RAPGEF1: variants seen among roughly 807,000 people sequenced by gnomAD.
The protein encoded by RAPGEF1 is CRK SH3-binding GNRP.
Under a neutral mutation model 143.3 loss-of-function variants are expected in RAPGEF1, and 33 were observed. The ratio of observed to expected loss-of-function variants is 0.23; its 90% CI spans 0.17 to 0.31. The LOEUF is 0.31. RAPGEF1 is among the 10% of genes least tolerant of loss of function. The probability of loss-of-function intolerance (pLI) is 1.00; values close to 1 mark genes in which losing one functional copy is unlikely to be tolerated. For synonymous variants in RAPGEF1, 629 were observed against 676.5 expected (o/e 0.93, Z 1.09); for missense variants, 1,199 against 1,645.4 (o/e 0.73, Z 4.69).
At chr9:131,651,619 C>A (rs1325560331) in intron 1 of RAPGEF1, among the ~76,000 whole-genome samples, 2 of 152,090 alleles carry the variant, frequency 1.3e-5, no homozygotes, top group African/African-American at 4.8e-5. Context: ...GATACAAAAC[C>A]AAAAGCACAA....
At chr9:131,609,020 C>A (rs1037445099) in intron 12 of RAPGEF1, among the ~76,000 whole-genome samples, 2 of 152,146 alleles carry the variant, frequency 1.3e-5, no homozygotes, top group African/African-American at 4.8e-5. Context: ...TTATTTATAG[C>A]CAGAATAAGA....
rs903798537 is a variant in RAPGEF1 at position 131,641,322 on chromosome 9, T to C, written c.494+1917A>G. The stretch of plus-strand genomic sequence containing the variant: ...CTCTAGGACATATACCCTCTGCCCA[T>C]GACTGCCCGAGTCGCCGCCCTCCCC... On this transcript the variant is annotated intron_variant, in intron 4 of 26. Transcript: ENST00000683357. The surrounding 1 kb of genome is among the most constrained non-coding windows in gnomAD (Gnocchi z 4.6). 6.6e-6 allele frequency among the ~76,000 whole-genome samples: 1 copy of C among 152,144 alleles called. No individual in the cohort carries two copies. Among genetic ancestry groups the C allele is most frequent in the Non-Finnish European group, 1.5e-5 (1 of 68,032 alleles).
intron 18 of RAPGEF1, 52 bp from the exon 19 acceptor site, chr9:131,590,030 TGGA>T: frequency 6.6e-7 from 1 of 1,516,212 alleles, no homozygotes; most frequent in Admixed American, 1.7e-5. Context: ...GGTGGTGGAG[TGGA>T]GGACTGACTC....
intron 1 of RAPGEF1, among the ~76,000 whole-genome samples, chr9:131,718,323 G>A (rs1215437708): frequency 3.9e-5 from 6 of 152,208 alleles, no homozygotes; most frequent in Non-Finnish European, 5.9e-5. Flanking sequence ...CACAGGCCAC[G>A]TCGAGGACCT....
chr9:131,608,133 G>A (rs188982181), intron 12 of RAPGEF1, among the ~76,000 whole-genome samples: 1 of 152,298 alleles, frequency 6.6e-6, no homozygotes, highest in African/African-American at 2.4e-5. Flanking sequence ...TTTAAAACGG[G>A]GATGAAAACA....
intron 1 of RAPGEF1, among the ~76,000 whole-genome samples, chr9:131,720,899 T>G (rs35614948): frequency 0.097 from 14,818 of 152,284 alleles, 1,068 homozygotes; most frequent in African/African-American, 0.19. Flanking sequence ...AATATCCCTT[T>G]TATCCATTCC....
chr9:131,598,597 C>T (rs1955706921), intron 15 of RAPGEF1: 1 of 541,120 alleles, frequency 1.8e-6, no homozygotes, highest in Admixed American at 2.2e-5. Flanking sequence ...CTCAGCCACT[C>T]CCTGCCAAGG....
chr9:131,594,169 C>T (rs1188547649), intron 17 of RAPGEF1, among the ~76,000 whole-genome samples: 1 of 152,212 alleles, frequency 6.6e-6, no homozygotes, highest in African/African-American at 2.4e-5. Context: ...TGGGACAGCG[C>T]CTGGCTTCTG....
intron 1 of RAPGEF1, among the ~76,000 whole-genome samples, chr9:131,696,137 T>A (rs1355208191): frequency 6.6e-6 from 1 of 151,968 alleles, no homozygotes; most frequent in African/African-American, 2.4e-5. Context: ...GAGCAGGGGA[T>A]CCAAGAGAGA....
chr9:131,647,596 T>C (rs1235068696), intron 3 of RAPGEF1, among the ~76,000 whole-genome samples: 2 of 152,222 alleles, frequency 1.3e-5, no homozygotes, highest in Non-Finnish European at 2.9e-5. Context: ...ACAGACCCAC[T>C]GCAAGGTTTC....
chr9:131,730,193 C>CAAAAAAAAA (rs57402366), intron 1 of RAPGEF1, among the ~76,000 whole-genome samples: 1 of 66,980 alleles, frequency 1.5e-5, no homozygotes, highest in Non-Finnish European at 2.6e-5. Flanking sequence ...GACTCCCTCT[C>CAAAAAAAAA]AAAAAAAAAA....
chr9:131,598,827 C>CT (rs10647202), intron 15 of RAPGEF1, among the ~76,000 whole-genome samples: 95,731 of 138,844 alleles, frequency 0.69, 33,137 homozygotes, highest in African/African-American at 0.7. Flanking sequence ...TATTTATTTG[C>CT]TTTTTTTTTT....
chr9:131,702,054 C>T (rs1286203449), intron 1 of RAPGEF1, among the ~76,000 whole-genome samples: 1 of 152,228 alleles, frequency 6.6e-6, no homozygotes, highest in African/African-American at 2.4e-5. Flanking sequence ...AACTACCCTC[C>T]CAGCAAACTG....
At chr9:131,627,327 A>G (rs1347970915) in intron 9 of RAPGEF1, among the ~76,000 whole-genome samples, 1 of 152,054 alleles carries the variant, frequency 6.6e-6, no homozygotes, top group Non-Finnish European at 1.5e-5. Flanking sequence ...AGATTATTCC[A>G]GCAAATGAAT....
At chr9:131,710,463 G>GA (rs951536203) in intron 1 of RAPGEF1, among the ~76,000 whole-genome samples, 4 of 152,218 alleles carry the variant, frequency 2.6e-5, no homozygotes, top group Non-Finnish European at 5.9e-5. Flanking sequence ...AGAAGGGAAT[G>GA]AAATCAATCA....
intron 1 of RAPGEF1, among the ~76,000 whole-genome samples, chr9:131,723,411 A>G (rs1273438495): frequency 6.6e-6 from 1 of 152,088 alleles, no homozygotes; most frequent in Non-Finnish European, 1.5e-5. Context: ...TCTACCTTGC[A>G]AAACTGAAAT....
At chr9:131,673,637 G>A (rs1375884346) in intron 1 of RAPGEF1, among the ~76,000 whole-genome samples, 1 of 152,198 alleles carries the variant, frequency 6.6e-6, no homozygotes, top group Non-Finnish European at 1.5e-5. Flanking sequence ...TCTGCAGATG[G>A]TTAGAAAGCA....
chr9:131,631,535 G>C (rs1488800411), intron 5 of RAPGEF1, among the ~76,000 whole-genome samples: 1 of 152,266 alleles, frequency 6.6e-6, no homozygotes, highest in Non-Finnish European at 1.5e-5. Context: ...GGCCTGGCCA[G>C]GGCCTGCATG....
In RAPGEF1 at chr9:131,584,237, C is replaced by T; in HGVS notation, c.3414+74G>A. ...TTGCTCCAGTGGGAGCACTTTCTGC[C>T]ACAGCTAGTCGCCTGAGGGCTGGGC... On this transcript the variant is annotated intron_variant, in intron 24 of 26. Transcript: ENST00000683357. The surrounding 1 kb of genome is among the most constrained non-coding windows in gnomAD (Gnocchi z 6.8). The T allele has an allele frequency of 7.3e-7, 1 of 1,379,060 alleles. No homozygotes were observed. Among genetic ancestry groups the T allele is most frequent in the East Asian group, 2.5e-5 (1 of 40,140 alleles). 85.4% of individuals were successfully genotyped at this position (1,379,060 alleles called of 1,614,324 possible).
Sources: gnomAD v4.1 joint callset for allele counts (sites outside exome capture counted in the v4.1 genomes callset) on GRCh38, gnomAD v4.1.1 for gene constraint, Gnocchi (gnomAD v3.1) non-coding constraint, MANE v1.5 for transcripts, NCBI Gene and HGNC (gene_info 2026-07-23, HGNC 2026-07-21) for gene names.